Variants in RIMS1 observed in about 807,000 individuals in gnomAD.
RIMS1 encodes the protein regulating synaptic membrane exocytosis protein 1.
Under a neutral mutation model 214.1 loss-of-function variants are expected in RIMS1, and 83 were observed. The observed-to-expected ratio is 0.39, with a 90% CI of 0.32 to 0.47. RIMS1 has a LOEUF of 0.47. Ranked by LOEUF, RIMS1 falls within the 20% of genes least tolerant of loss-of-function variation. The probability of loss-of-function intolerance (pLI) is 0.99; values close to 1 mark genes in which losing one functional copy is unlikely to be tolerated. For synonymous variants in RIMS1, 793 were observed against 786.8 expected, an observed-to-expected ratio of 1.01 and a Z score of -0.13; for missense variants, 2,050 against 2,161.8, an observed-to-expected ratio of 0.95 and a Z score of 1.03.
At chr6:71,947,180 C>G (rs546467943) in intron 1 of RIMS1, among the ~76,000 whole-genome samples, 1 of 152,034 alleles carries the variant, frequency 6.6e-6, no homozygotes, top group Admixed American at 6.5e-5. Flanking sequence ...ACCCTTTTCT[C>G]TCCAGCAATG....
chr6:72,373,625 TATC>T (rs2098285029), intron 29 of RIMS1, among the ~76,000 whole-genome samples: 2 of 152,332 alleles, frequency 1.3e-5, no homozygotes, highest in South Asian at 4.1e-4. Flanking sequence ...AGTAATACGT[TATC>T]ATTCTTATCT....
rs77472378 is a variant in RIMS1, at chr6:71,980,317, T to C, written c.245+11254T>C. ...GACCTTGGGCAAAGCATGCAGTGAA[T>C]TAATGTGTATTTAGTGGAAAATGAT... On this transcript the variant is annotated intron_variant, in intron 2 of 33. Coordinates refer to ENST00000521978, the MANE Select transcript of RIMS1 (RefSeq NM_014989.7). 5.8e-4 allele frequency among the ~76,000 whole-genome samples: 89 copies of C among 152,248 alleles called. No homozygotes were observed. In the East Asian group the frequency reaches 0.017, roughly 28 times the overall value.
At chr6:71,911,335 T>G (rs1402569698) in intron 1 of RIMS1, among the ~76,000 whole-genome samples, 1 of 152,092 alleles carries the variant, frequency 6.6e-6, no homozygotes, top group Non-Finnish European at 1.5e-5. Flanking sequence ...TAGAAGATCT[T>G]TAGGCTGATT....
intron 1 of RIMS1, among the ~76,000 whole-genome samples, chr6:71,943,512 T>TA (rs1372053396): frequency 6.6e-6 from 1 of 152,196 alleles, no homozygotes; most frequent in Non-Finnish European, 1.5e-5. Flanking sequence ...CTTTCCTCTT[T>TA]AATTTGTTGA....
Position 72,277,881 on chromosome 6 carries a change from G to C in RIMS1, c.3482+3449G>C, listed in dbSNP as rs981519304. On this transcript the variant is annotated intron_variant, in intron 23 of 33. Transcript: ENST00000521978. ...TGTAGCTTGAAATTAACCAAAATTT[G>C]TAAGTAGCCATTTAGAAAAAATATA... is the stretch of plus-strand genomic sequence containing the variant. Among the ~76,000 whole-genome samples the C allele has an allele frequency of 1.5e-4, 23 of 152,166 alleles. No homozygotes were observed. In the South Asian group the frequency reaches 4.8e-3, roughly 32 times the overall value.
At chr6:72,098,186 C>G (rs1397538791) in intron 3 of RIMS1, among the ~76,000 whole-genome samples, 1 of 152,132 alleles carries the variant, frequency 6.6e-6, no homozygotes. Context: ...TAAAACAAAC[C>G]TCCCAATCAA....
rs953240354 is a variant in RIMS1, at chr6:72,263,517, A to G, written c.3117-1458A>G. 1.3e-5 allele frequency: 13 copies of G among 985,114 alleles called. No individual in the cohort carries two copies. In the East Asian group the frequency reaches 3.4e-4, roughly 26 times the overall value. The allele number at this position is 985,114 out of a possible 1,614,324, so 61.0% of individuals were successfully genotyped here. A position where few individuals can be genotyped will look rare whatever the true frequency, so the allele number is the denominator to read the frequency against. On this transcript the variant is annotated intron_variant, in intron 19 of 33. Transcript: ENST00000521978. ...ACATTCAGACTATAAATTTTGTGCT[A>G]TTTTCTAGCTGTTTCCCATTCTATG...
chr6:72,216,868 T>C (rs2056310233), intron 6 of RIMS1: 1 of 1,043,454 alleles, frequency 9.6e-7, no homozygotes, highest in Non-Finnish European at 1.2e-6. Context: ...AGAGCTTTAG[T>C]GTATGCTACA....
rs146941509 is a variant in RIMS1, at chr6:72,326,068, A to G, written c.4131-7532A>G. On this transcript the variant is annotated intron_variant, in intron 28 of 33. Transcript: ENST00000521978. Reference sequence around the variant, plus strand: ...TATAATTTTTGTTATTTAACTTTTAAAATTTTTGTAAACATCATTGTGAAC... The same window carrying G: ...TATAATTTTTGTTATTTAACTTTTAGAATTTTTGTAAACATCATTGTGAAC... 1.8e-3 allele frequency among the ~76,000 whole-genome samples: 278 copies of G among 151,824 alleles called. 1 individual carries two copies. Among genetic ancestry groups the G allele is most frequent in the African/African-American group, 6.4e-3 (267 of 41,474 alleles).
chr6:71,913,893 G>A (rs549487997), intron 1 of RIMS1, among the ~76,000 whole-genome samples: 2 of 152,160 alleles, frequency 1.3e-5, no homozygotes, highest in African/African-American at 4.8e-5. Flanking sequence ...CTCAGGTATG[G>A]TAGAAAGTGA....
chr6:72,020,198 T>G (rs1814182652), intron 2 of RIMS1, among the ~76,000 whole-genome samples: 1 of 152,220 alleles, frequency 6.6e-6, no homozygotes, highest in Non-Finnish European at 1.5e-5. Context: ...TATTAATTAA[T>G]AATTGCTACT....
In RIMS1 at chr6:72,182,447, G is replaced by A. The variant is rs2048522784; in HGVS notation, c.976G>A (p.Asp326Asn). The change falls in exon 6 of 34, where the codon GAT (aspartate) becomes AAT (asparagine). Residue 326 changes from aspartate (D) to asparagine (N), a missense_variant. Asp to Asn is a conservative substitution (Grantham distance 23). Transcript: ENST00000521978. ...SRRLEKGRSQ[D>N]YPDTPEKRDE... ...AAGGCTTGAGAAAGGGCGATCACAG[G>A]ATTACCCAGACACGCCGGAAAAACG... is the stretch of plus-strand genomic sequence containing the variant. 3 of 1,613,784 alleles carry A rather than the reference G, an allele frequency of 1.9e-6. No homozygotes were observed. Among genetic ancestry groups the A allele is most frequent in the Admixed American group, 1.7e-5 (1 of 59,990 alleles).
chr6:72,343,177 C>A (rs1478057542), intron 29 of RIMS1, among the ~76,000 whole-genome samples: 1 of 151,758 alleles, frequency 6.6e-6, no homozygotes, highest in African/African-American at 2.4e-5. Flanking sequence ...AGATTGTCAT[C>A]CCCTGCCTTT....
rs933466685 is a variant in RIMS1, at chr6:72,216,418, C to T, written c.1679-17355C>T. On this transcript the variant is annotated intron_variant, in intron 6 of 33. Transcript: ENST00000521978. The stretch of plus-strand genomic sequence containing the variant: ...CTTTTGCCCTCTGGAGATGAGCCAC[C>T]GTTAGCACTAGGCTGGCCGTACCAG... 7.1e-6 allele frequency: 7 copies of T among 984,924 alleles called. No individual in the cohort carries two copies. The South Asian group carries it at 1.4e-4, about 20-fold the overall frequency. 61.0% of individuals were successfully genotyped at this position (984,924 alleles called of 1,614,324 possible).
At chr6:72,002,575 G>A (rs1805644776) in intron 2 of RIMS1, among the ~76,000 whole-genome samples, 1 of 152,194 alleles carries the variant, frequency 6.6e-6, no homozygotes. Context: ...AGGGAAGCAT[G>A]CGTGGCAGCC....
chr6:72,292,028 A>G lies in RIMS1; in HGVS notation c.3832A>G (p.Ser1278Gly), dbSNP rs1055696778. 13 of 1,556,336 alleles carry G rather than the reference A, an allele frequency of 8.4e-6. No individual in the cohort carries two copies. Among genetic ancestry groups the G allele is most frequent in the African/African-American group, 1.4e-5 (1 of 73,264 alleles). ...GRQLPQVPVR[S>G]GSIEQASLVV... ...ACAGCTCCCACAAGTGCCAGTGAGA[A>G]GCGGCAGTATAGAACAAGGTATCCG... Residue 1278 changes from serine to glycine, a missense_variant, in exon 26 of 34, where the codon AGC (serine) becomes GGC (glycine). Physicochemically the swap from Ser to Gly is moderately conservative, Grantham distance 56. Coordinates refer to ENST00000521978, the MANE Select transcript of RIMS1 (RefSeq NM_014989.7).
intron 4 of RIMS1, among the ~76,000 whole-genome samples, chr6:72,165,087 A>G (rs1057485551): frequency 6.6e-6 from 1 of 152,174 alleles, no homozygotes; most frequent in African/African-American, 2.4e-5. Context: ...CTCCAATTAT[A>G]CATATATTAA....
chr6:71,942,116 G>A (rs892495302), intron 1 of RIMS1, among the ~76,000 whole-genome samples: 1 of 152,154 alleles, frequency 6.6e-6, no homozygotes, highest in Non-Finnish European at 1.5e-5. Context: ...GAGACTGAGA[G>A]CACTTTCTTT....
chr6:72,364,582 A>C (rs910601642), intron 29 of RIMS1, among the ~76,000 whole-genome samples: 1 of 152,232 alleles, frequency 6.6e-6, no homozygotes, highest in Non-Finnish European at 1.5e-5. Context: ...TACAAAGTAG[A>C]GTAAGCTTCT....
Sources: allele counts gnomAD v4.1 joint callset (sites outside exome capture counted in the v4.1 genomes callset), GRCh38; gene constraint gnomAD v4.1.1; transcripts MANE v1.5; gene names NCBI Gene and HGNC (gene_info 2026-07-23, HGNC 2026-07-21).